DYSF: variants seen among roughly 807,000 people sequenced by gnomAD.
DYSF encodes dysferlin, also known as dystrophy-associated fer-1-like 1.
A neutral mutation model predicts 274.9 loss-of-function variants in DYSF; 212 were observed. The observed-to-expected ratio is 0.77, with a 90% confidence interval of 0.69 to 0.86. The LOEUF is 0.86. Ranked by LOEUF, DYSF falls within the 40% of genes least tolerant of loss-of-function variation. The pLI is 0.00. For synonymous variants in DYSF, 1,091 were observed against 1,078.7 expected (o/e 1.01, Z -0.22); for missense variants, 2,666 against 2,783.2 (o/e 0.96, Z 0.95).
At chr2:71,502,079 CTGTGTGTGTGTG>C (rs71402986) in intron 3 of DYSF, among the ~76,000 whole-genome samples, 184 of 143,902 alleles carry the variant, frequency 1.3e-3, no homozygotes, top group South Asian at 1.4e-3. Context: ...CTCCATGACT[CTGTGTGTGTGTG>C]TGTGTGTGTG....
chr2:71,531,477 T>A (rs1293540135), intron 14 of DYSF, among the ~76,000 whole-genome samples: 1 of 151,794 alleles, frequency 6.6e-6, no homozygotes, highest in Non-Finnish European at 1.5e-5. Context: ...GCCTCCCCGC[T>A]CCAACTCTCA....
At chr2:71,521,263 CCA>C (rs2087243370) in intron 12 of DYSF, among the ~76,000 whole-genome samples, 1 of 152,106 alleles carries the variant, frequency 6.6e-6, no homozygotes, top group African/African-American at 2.4e-5. Flanking sequence ...ATGCTCATCT[CCA>C]CATGTCAGTA....
chr2:71,644,909 A>T lies in DYSF; in HGVS notation c.4626+846A>T, dbSNP rs571974331. On this transcript the variant is annotated intron_variant, in intron 42 of 55. Transcript: ENST00000410020. The stretch of plus-strand genomic sequence containing the variant: ...CATATTTCTTTAAAAATTATTGGTT[A>T]TGAAACAGGAAAAGTTCCCTTATCC... Among the ~76,000 whole-genome samples, 10 of 152,282 alleles carry T rather than the reference A, an allele frequency of 6.6e-5. No homozygotes were observed. In the East Asian group the frequency reaches 1.9e-3, roughly 30 times the overall value.
chr2:71,586,057 A>T lies in DYSF; in HGVS notation c.3403-3536A>T, dbSNP rs112129609. On this transcript the variant is annotated intron_variant, in intron 30 of 55. Coordinates refer to ENST00000410020, the MANE Select transcript of DYSF (RefSeq NM_001130987.2). ...GGTCTGTGGGTTTGGTAGTGTCCTG[A>T]CTGCCAGAGACTCAATTTAGAGGCC... Among the ~76,000 whole-genome samples, 146 of 152,020 alleles carry T rather than the reference A, an allele frequency of 9.6e-4. 1 individual carries two copies. Among genetic ancestry groups the T allele is most frequent in the Middle Eastern group, 3.4e-3 (1 of 294 alleles).
chr2:71,549,748 G>T (rs1212055981), intron 17 of DYSF, among the ~76,000 whole-genome samples: 1 of 152,108 alleles, frequency 6.6e-6, no homozygotes. Flanking sequence ...GGGGCCAGGA[G>T]GAGGCCAAGA....
chr2:71,472,495 C>T lies in DYSF; in HGVS notation c.91+5562C>T, dbSNP rs559869584. 1.6e-4 allele frequency among the ~76,000 whole-genome samples: 24 copies of T among 152,310 alleles called. 1 individual carries two copies. The highest frequency in any genetic ancestry group is 5.9e-5 in the Non-Finnish European group (4 of 68,032). On this transcript the variant is annotated intron_variant, in intron 1 of 55. Transcript: ENST00000410020. ...GATCTCGGCTCACTGCAAGCTCTGC[C>T]TCCCGGGTTCACGCCATTCTCCTGC...
Position 71,569,711 on chromosome 2 carries a change from G to T in DYSF, c.2865-109G>T, listed in dbSNP as rs2092315180. ...CTCCCCACCCCCCATGTCTCTCATT[G>T]TTGGTTGGGGTGAGGCTGACATACG... On this transcript the variant is annotated intron_variant, in intron 26 of 55. Transcript: ENST00000410020. 1.0e-5 allele frequency: 9 copies of T among 902,086 alleles called. No individual in the cohort carries two copies. In the East Asian group the frequency reaches 1.8e-4, roughly 18 times the overall value. The allele number at this position is 902,086 out of a possible 1,614,324, so 55.9% of individuals were successfully genotyped here.
At chr2:71,504,101 G>A (rs2085249048) in intron 4 of DYSF, among the ~76,000 whole-genome samples, 1 of 152,182 alleles carries the variant, frequency 6.6e-6, no homozygotes, top group African/African-American at 2.4e-5. Flanking sequence ...GGCTGGGTGA[G>A]TCAGGAAGTA....
chr2:71,481,842 GC>G, intron 2 of DYSF, 36 bp from the exon 3 acceptor site: 1 of 1,552,886 alleles, frequency 6.4e-7, no homozygotes, highest in Non-Finnish European at 8.9e-7. Context: ...CTCCTAGAGG[GC>G]CATAGGTTAA....
intron 2 of DYSF, among the ~76,000 whole-genome samples, 180 bp from the exon 3 acceptor site, chr2:71,481,695 TATCC>T (rs56102566): frequency 7.2e-5 from 9 of 124,454 alleles, no homozygotes; most frequent in Non-Finnish European, 1.3e-4. Flanking sequence ...GGTCTTCATC[TATCC>T]ATCCATCCAT....
intron 1 of DYSF, among the ~76,000 whole-genome samples, chr2:71,454,715 G>A (rs1424824556): frequency 1.3e-5 from 2 of 152,220 alleles, no homozygotes; most frequent in African/African-American, 2.4e-5. Context: ...GGGAGCGGGG[G>A]TCGTATCTGC....
rs185966441 is a variant in DYSF, at chr2:71,568,450, C to T, written c.2864+112C>T. ...CTGTTGATCCCTCTGCTTGCTCCTGCGCTGGTCATAGGAACTTCCGCTGAA... is the reference window on the plus strand; with the variant it reads ...CTGTTGATCCCTCTGCTTGCTCCTGTGCTGGTCATAGGAACTTCCGCTGAA... On this transcript the variant is annotated intron_variant, in intron 26 of 55. Transcript: ENST00000410020. The T allele has an allele frequency of 4.4e-4, 622 of 1,415,520 alleles. 2 individuals are homozygous for T. The African/African-American group carries it at 7.1e-3, about 16-fold the overall frequency. 87.7% of individuals were successfully genotyped at this position (1,415,520 alleles called of 1,614,324 possible).
chr2:71,637,495 A>G (rs1317179571), intron 41 of DYSF, among the ~76,000 whole-genome samples: 1 of 152,036 alleles, frequency 6.6e-6, no homozygotes, highest in Non-Finnish European at 1.5e-5. Context: ...GGCTGGGGAG[A>G]GGGCCAGTGT....
chr2:71,618,314 G>A, intron 40 of DYSF, among the ~76,000 whole-genome samples: 1 of 122,086 alleles, frequency 8.2e-6, no homozygotes, highest in Non-Finnish European at 1.7e-5. Context: ...TGGTGTGTGT[G>A]TGTGTGGTAG....
Position 71,679,243 on chromosome 2 carries a change from T to C in DYSF, c.6063+8T>C. The stretch of plus-strand genomic sequence containing the variant: ...GAGAAGAAAATACTGGCGGTAAGTC[T>C]ACTTCCTCCAGCCCCAGTGGAGGGC... On this transcript the variant is annotated splice_region_variant and intron_variant, in intron 53 of 55. Transcript: ENST00000410020. The C allele has an allele frequency of 6.2e-7, 1 of 1,613,610 alleles. No homozygotes were observed. The highest frequency in any genetic ancestry group is 8.5e-7 in the Non-Finnish European group (1 of 1,179,652).
upstream of DYSF, among the ~76,000 whole-genome samples, chr2:71,465,930 G>A (rs1402259270): frequency 6.6e-6 from 1 of 152,188 alleles, no homozygotes; most frequent in Non-Finnish European, 1.5e-5. Context: ...GATTGTTGGG[G>A]ATGGGGGACT....
Position 71,675,866 on chromosome 2 carries a change from T to G in DYSF, c.5884+1570T>G, listed in dbSNP as rs564620163. Among the ~76,000 whole-genome samples the G allele has an allele frequency of 6.4e-4, 97 of 152,208 alleles. 2 individuals are homozygous for G. The highest frequency in any genetic ancestry group is 9.6e-4 in the East Asian group (5 of 5,190). ...ATTTATATATACACATGTACATGCATACATATATAATATATACATATATTC... is the reference window on the plus strand; with the variant it reads ...ATTTATATATACACATGTACATGCAGACATATATAATATATACATATATTC... On this transcript the variant is annotated intron_variant, in intron 52 of 55. Coordinates refer to ENST00000410020, the MANE Select transcript of DYSF (RefSeq NM_001130987.2).
rs1253455812 is a variant in DYSF at position 71,626,439 on chromosome 2, T to A, written c.4527+5830T>A. Among the ~76,000 whole-genome samples, 3 of 112,268 alleles carry A rather than the reference T, an allele frequency of 2.7e-5. No homozygotes were observed. The Admixed American group carries it at 3.1e-4, about 12-fold the overall frequency. 73.7% of individuals were successfully genotyped at this position (112,268 alleles called of 152,430 possible). On this transcript the variant is annotated intron_variant, in intron 41 of 55. Coordinates refer to ENST00000410020, the MANE Select transcript of DYSF (RefSeq NM_001130987.2). ...TAATATATAATACATAATTATATAATATATTTACATATGTTAATTAATAAC... is the reference window on the plus strand; with the variant it reads ...TAATATATAATACATAATTATATAAAATATTTACATATGTTAATTAATAAC...
intron 12 of DYSF, 67 bp downstream of exon 12, chr2:71,520,971 C>T (rs1431549502): frequency 1.5e-6 from 2 of 1,347,858 alleles, no homozygotes. Flanking sequence ...AGGCACCAAA[C>T]CACAAACAAA....
Sources: gnomAD v4.1 joint callset for allele counts (sites outside exome capture counted in the v4.1 genomes callset) on GRCh38, gnomAD v4.1.1 for gene constraint, MANE v1.5 for transcripts, NCBI Gene and HGNC (gene_info 2026-07-23, HGNC 2026-07-21) for gene names.